Variants in SPATA4 observed in about 807,000 individuals in gnomAD.
The protein encoded by SPATA4 is spermatogenesis-associated protein 4.
Under a neutral mutation model 31.8 loss-of-function variants are expected in SPATA4, and 35 were observed. The ratio of observed to expected loss-of-function variants is 1.10; its 90% CI spans 0.84 to 1.46. SPATA4 has a LOEUF of 1.46. SPATA4 is among the 40% of genes most tolerant of loss of function. The pLI is 0.00. For missense variants in SPATA4, 394 were observed against 363.1 expected, an observed-to-expected ratio of 1.09 and a Z score of -0.69; for synonymous variants, 126 against 132.4, an observed-to-expected ratio of 0.95 and a Z score of 0.33.
rs181117492 is a variant in SPATA4, at chr4:176,195,231, G to T, written c.218+114C>A. On this transcript the variant is annotated intron_variant, in intron 1 of 5. Coordinates refer to ENST00000280191, the MANE Select transcript of SPATA4 (RefSeq NM_144644.4). ...TTTTCGTGTGTGTACGTGGGTGGGG[G>T]GGTCTTGATTTGAAACATAAGCCAG... The T allele has an allele frequency of 5.7e-6, 5 of 881,316 alleles. No individual in the cohort carries two copies. In the Admixed American group the frequency reaches 6.4e-5, roughly 11 times the overall value. The allele number at this position is 881,316 out of a possible 1,614,324, so 54.6% of individuals were successfully genotyped here. A position where few individuals can be genotyped will look rare whatever the true frequency, so the allele number is the denominator to read the frequency against.
chr4:176,188,843 A>G (rs1008074196), intron 4 of SPATA4, among the ~76,000 whole-genome samples: 3 of 152,144 alleles, frequency 2.0e-5, no homozygotes, highest in Non-Finnish European at 4.4e-5. Context: ...CTCCTCTGCA[A>G]CTCATCCTTC....
chr4:176,186,393 C>T (rs1752441614), intron 5 of SPATA4, among the ~76,000 whole-genome samples: 3 of 152,146 alleles, frequency 2.0e-5, no homozygotes, highest in African/African-American at 7.2e-5. Context: ...CTTTCCATAC[C>T]TCCTGATCCC....
chr4:176,195,247 C>T, intron 1 of SPATA4, 98 bp downstream of exon 1: 1 of 1,204,506 alleles, frequency 8.3e-7, no homozygotes, highest in Non-Finnish European at 1.2e-6. Flanking sequence ...TGATTTGAAA[C>T]ATAAGCCAGG....
At chr4:176,195,220 CGTGG>C in intron 1 of SPATA4, 121 bp downstream of exon 1, 1 of 775,152 alleles carries the variant, frequency 1.3e-6, no homozygotes, top group Non-Finnish European at 2.1e-6. Context: ...CGTGTGTGTA[CGTGG>C]GTGGGGGGGT....
At chr4:176,190,520 C>A (rs2126923247) in intron 4 of SPATA4, among the ~76,000 whole-genome samples, 1 of 152,266 alleles carries the variant, frequency 6.6e-6, no homozygotes, top group Admixed American at 6.5e-5. Flanking sequence ...AAGGTATTGG[C>A]AGGGCTGCAT....
chr4:176,184,763 C>T lies in SPATA4; in HGVS notation c.*17G>A. Reference sequence around the variant, plus strand: ...GATGGTGGCATCACTTCTTCAAAGCCATTTGACAGGTGCTTTTCAAGGTTT... The same window carrying T: ...GATGGTGGCATCACTTCTTCAAAGCTATTTGACAGGTGCTTTTCAAGGTTT... On this transcript the variant is annotated 3_prime_UTR_variant, in exon 6 of 6. Coordinates refer to ENST00000280191, the MANE Select transcript of SPATA4 (RefSeq NM_144644.4). The T allele has an allele frequency of 1.3e-6, 2 of 1,514,806 alleles. No individual in the cohort carries two copies. Among genetic ancestry groups the T allele is most frequent in the Non-Finnish European group, 1.8e-6 (2 of 1,107,314 alleles). 93.8% of individuals were successfully genotyped at this position (1,514,806 alleles called of 1,614,324 possible). A position where few individuals can be genotyped will look rare whatever the true frequency, so the allele number is the denominator to read the frequency against.
intron 4 of SPATA4, among the ~76,000 whole-genome samples, chr4:176,190,287 C>A (rs1752507941): frequency 6.6e-6 from 1 of 152,124 alleles, no homozygotes; most frequent in South Asian, 2.1e-4. Flanking sequence ...CAGGTTTTCA[C>A]TTTAATCAAT....
intron 1 of SPATA4, among the ~76,000 whole-genome samples, 177 bp downstream of exon 1, chr4:176,195,168 A>G (rs1026863239): frequency 6.6e-6 from 1 of 152,226 alleles, no homozygotes; most frequent in Non-Finnish European, 1.5e-5. Context: ...AACAAGATGT[A>G]TCGTGGTATT....
chr4:176,188,077 C>CA lies in SPATA4; in HGVS notation c.805+41dup, dbSNP rs199755794. 4.9e-3 allele frequency: 6,861 copies of CA among 1,393,824 alleles called. 192 individuals carry two copies. In the African/African-American group the frequency reaches 0.082, roughly 17 times the overall value. The allele number at this position is 1,393,824 out of a possible 1,614,324, so 86.3% of individuals were successfully genotyped here. A position where few individuals can be genotyped will look rare whatever the true frequency, so the allele number is the denominator to read the frequency against. The stretch of plus-strand genomic sequence containing the variant: ...AAAACTTTAATTGAAGAAAGTCAAG[C>CA]AAAAAAAAATCAATTTTAAGAAGCA... On this transcript the variant is annotated intron_variant, in intron 5 of 5. Coordinates refer to ENST00000280191, the MANE Select transcript of SPATA4 (RefSeq NM_144644.4).
chr4:176,188,061 A>C (rs1272413372), intron 5 of SPATA4, 58 bp downstream of exon 5: 2 of 1,268,900 alleles, frequency 1.6e-6, no homozygotes, highest in Non-Finnish European at 2.3e-6. Context: ...TAAAACTTTA[A>C]TTGAAGAAAG....
intron 1 of SPATA4, 92 bp downstream of exon 1, chr4:176,195,253 C>T: frequency 7.8e-7 from 1 of 1,277,352 alleles, no homozygotes; most frequent in Non-Finnish European, 1.1e-6. Flanking sequence ...GAAACATAAG[C>T]CAGGCCAGGG....
chr4:176,188,192 A>T lies in SPATA4; in HGVS notation c.732T>A (p.Asn244Lys). The change falls in exon 5 of 6, where the codon AAT becomes AAA. Residue 244 changes from asparagine to lysine, a missense_variant. Transcript: ENST00000280191. ...VKPTVGEVTL[N>K]HLPAQASGRR... Reference sequence around the variant, plus strand: ...GCCCAGAGGCTTGGGCAGGAAGGTGATTGAGAGTAACTTCTCCCACTGTTG... The same window carrying T: ...GCCCAGAGGCTTGGGCAGGAAGGTGTTTGAGAGTAACTTCTCCCACTGTTG... The T allele has an allele frequency of 6.2e-7, 1 of 1,613,208 alleles. No individual in the cohort carries two copies. The highest frequency in any genetic ancestry group is 8.5e-7 in the Non-Finnish European group (1 of 1,179,704).
chr4:176,186,827 G>GT (rs63253561), intron 5 of SPATA4, among the ~76,000 whole-genome samples: 36,901 of 151,062 alleles, frequency 0.24, 4,794 homozygotes, highest in South Asian at 0.35. Context: ...AGAAATCATG[G>GT]TTTTTTTTTG....
chr4:176,193,884 G>T, intron 1 of SPATA4: 1 of 193,576 alleles, frequency 5.2e-6, no homozygotes, highest in African/African-American at 2.3e-5. Flanking sequence ...AAGTAATACT[G>T]AAGACAAATT....
In SPATA4 at chr4:176,184,807, A is replaced by G; in HGVS notation, c.891T>C (p.Pro297=). The G allele has an allele frequency of 6.3e-7, 1 of 1,594,004 alleles. No homozygotes were observed. The highest frequency in any genetic ancestry group is 8.5e-7 in the Non-Finnish European group (1 of 1,170,690). ...AAGGTTTCTTGTCCATGTTTCTGATAGGTTTCATAGCAGAGTAATAAGAAT... is the reference window on the plus strand; with the variant it reads ...AAGGTTTCTTGTCCATGTTTCTGATGGGTTTCATAGCAGAGTAATAAGAAT... ...GQHSYYSAMK[P]IRNMDKKP is the part of the protein sequence containing the mutation. Residue 297 remains proline, a synonymous_variant, in exon 6 of 6, where the codon CCT becomes CCC. Transcript: ENST00000280191.
At chr4:176,192,109 C>G (rs1219869202) in intron 4 of SPATA4, among the ~76,000 whole-genome samples, 2 of 152,174 alleles carry the variant, frequency 1.3e-5, no homozygotes, top group African/African-American at 4.8e-5. Flanking sequence ...CTGGCAAATG[C>G]AGATGGCAAA....
At position 176,193,573 on chromosome 4, in the gene SPATA4, T is replaced by A; in HGVS notation, c.228A>T (p.Ser76=). The A allele has an allele frequency of 6.2e-7, 1 of 1,607,498 alleles. No homozygotes were observed. ...ATATTTCTGCAATTAGGAAGCCATT[T>A]GAAAAATCTCTGATCCGTGGCAATT... The part of the protein sequence containing the change: ...FFPRNINRDF[S]NGFLIAEIFC... The change falls in exon 2 of 6, where the codon TCA becomes TCT. Residue 76 remains serine (S), a synonymous_variant. Coordinates refer to ENST00000280191, the MANE Select transcript of SPATA4 (RefSeq NM_144644.4).
Position 176,192,839 on chromosome 4 carries a change from C to G in SPATA4, c.476G>C (p.Ser159Thr), listed in dbSNP as rs1255380308. 1 of 1,610,562 alleles carries G rather than the reference C, an allele frequency of 6.2e-7. No homozygotes were observed. The highest frequency in any genetic ancestry group is 2.2e-5 in the East Asian group (1 of 44,860). The stretch of plus-strand genomic sequence containing the variant: ...GAAATTCACAAAGTCATCCTGGATA[C>G]TTTTAATTCTGGAAATAAAAAATAA... ...YTLLTHREIK[S>T]IQDDFVNFTD... Residue 159 changes from serine to threonine, a missense_variant, in exon 4 of 6, where the codon AGT becomes ACT. Transcript: ENST00000280191.
intron 4 of SPATA4, 53 bp from the exon 5 acceptor site, chr4:176,188,288 T>C (rs1284355444): frequency 2.6e-6 from 3 of 1,140,454 alleles, no homozygotes; most frequent in South Asian, 1.4e-5. Context: ...ATGGCCATTG[T>C]CAAAATAAGA....
Sources: allele counts gnomAD v4.1 joint callset (sites outside exome capture counted in the v4.1 genomes callset), GRCh38; gene constraint gnomAD v4.1.1; transcripts MANE v1.5; gene names NCBI Gene and HGNC (gene_info 2026-07-23, HGNC 2026-07-21).